Variants in FAM228B observed in about 807,000 individuals in gnomAD.
FAM228B encodes the protein protein FAM228B.
In FAM228B, 38 loss-of-function variants were observed where a neutral mutation model predicts 42.6. The ratio of observed to expected loss-of-function variants is 0.89; its 90% CI spans 0.69 to 1.17. The LOEUF is 1.17. FAM228B is among the 50% of genes most tolerant of loss of function. The probability of loss-of-function intolerance (pLI) is 0.00; values close to 1 mark genes in which losing one functional copy is unlikely to be tolerated. For missense variants in FAM228B, 344 were observed against 367.3 expected (o/e 0.94, Z 0.52); for synonymous variants, 109 against 122.3 (o/e 0.89, Z 0.72).
chr2:24,077,814 C>G lies in FAM228B; in HGVS notation c.-290+845C>G, dbSNP rs1664825572. On this transcript the variant is annotated intron_variant, in intron 1 of 10. Coordinates refer to the FAM228B transcript ENST00000613899. The surrounding 1 kb of genome is among the most constrained non-coding windows in gnomAD (Gnocchi z 5.5). ...CCTGGGGAGAGAGCCTCACCCTGCCCTCCTCATCCTCCTCAGCCTTCTTGC... is the reference window on the plus strand; with the variant it reads ...CCTGGGGAGAGAGCCTCACCCTGCCGTCCTCATCCTCCTCAGCCTTCTTGC... The G allele has an allele frequency of 6.4e-7, 1 of 1,554,324 alleles. No individual in the cohort carries two copies.
chr2:24,145,745 G>C (rs186107484), intron 5 of FAM228B, among the ~76,000 whole-genome samples: 1 of 136,500 alleles, frequency 7.3e-6, no homozygotes, highest in Non-Finnish European at 1.5e-5. Context: ...TTGCTCTGTC[G>C]CCCAAGTGGA....
intron 7 of FAM228B, among the ~76,000 whole-genome samples, chr2:24,149,577 C>T (rs192751701): frequency 4.0e-4 from 61 of 152,256 alleles, no homozygotes; most frequent in African/African-American, 1.3e-3. Context: ...TGACTACAGG[C>T]ACATGCCACC....
chr2:24,156,886 T>G (rs901177307), intron 7 of FAM228B, among the ~76,000 whole-genome samples: 4 of 151,588 alleles, frequency 2.6e-5, no homozygotes, highest in Admixed American at 2.6e-4. Flanking sequence ...TCTGCCGGGT[T>G]TGGGTTTGGA....
In FAM228B at chr2:24,093,620, A is replaced by ATTTT. The variant is rs34596881; in HGVS notation, c.-209-1511_-209-1508dup. ...AGTGCTGCAATAAACATATGTGTGC[A>ATTTT]TTTTTTTTTTTTTGAGACAGAATCT... is the stretch of plus-strand genomic sequence containing the variant. On this transcript the variant is annotated intron_variant, in intron 2 of 10. Transcript: ENST00000613899. 2.1e-3 allele frequency among the ~76,000 whole-genome samples: 312 copies of ATTTT among 145,766 alleles called. 1 individual carries two copies. The highest frequency in any genetic ancestry group is 7.2e-3 in the Middle Eastern group (2 of 278).
intron 5 of FAM228B, among the ~76,000 whole-genome samples, chr2:24,140,830 C>T (rs2151020463): frequency 6.6e-6 from 1 of 151,750 alleles, no homozygotes; most frequent in Non-Finnish European, 1.5e-5. Flanking sequence ...GGTGTGGTGG[C>T]ATGCACCTGT....
At chr2:24,121,169 G>A, upstream of FAM228B, 1 of 1,613,446 alleles carries the variant, frequency 6.2e-7, no homozygotes, top group Non-Finnish European at 8.5e-7. Flanking sequence ...TCACATTTTT[G>A]GCATAAAGAG....
In FAM228B at chr2:24,146,916, T is replaced by TA; in HGVS notation, c.530-13dup. On this transcript the variant is annotated splice_polypyrimidine_tract_variant and intron_variant, in intron 6 of 10. Coordinates refer to ENST00000615575, the MANE Select transcript of FAM228B (RefSeq NM_001145710.2). The stretch of plus-strand genomic sequence containing the variant: ...ATTTAAGGATGTTAATTTAGATTTT[T>TA]ATTCTTCCTTCAGGCAAAATATATT... 1 of 1,549,734 alleles carries TA rather than the reference T, an allele frequency of 6.5e-7. No homozygotes were observed. Among genetic ancestry groups the TA allele is most frequent in the Non-Finnish European group, 8.7e-7 (1 of 1,145,488 alleles).
intron 3 of FAM228B, among the ~76,000 whole-genome samples, chr2:24,112,158 G>T (rs1409763567): frequency 6.6e-6 from 1 of 152,056 alleles, no homozygotes; most frequent in African/African-American, 2.4e-5. Context: ...GACATTCAAG[G>T]TCTCATAGCA....
At position 24,128,954 on chromosome 2, in the gene FAM228B, G is replaced by T. The variant is rs1666381417; in HGVS notation, c.99+4494G>T. Among the ~76,000 whole-genome samples, 5 of 151,952 alleles carry T rather than the reference G, an allele frequency of 3.3e-5. No individual in the cohort carries two copies. In the South Asian group the frequency reaches 1.0e-3, roughly 31 times the overall value. ...TTTTTTCCTCTGGCTGATGCTAAAGGGAACAAACACTCCTGGGACTGTGTG... is the reference window on the plus strand; with the variant it reads ...TTTTTTCCTCTGGCTGATGCTAAAGTGAACAAACACTCCTGGGACTGTGTG... On this transcript the variant is annotated intron_variant, in intron 2 of 10. Coordinates refer to ENST00000615575, the MANE Select transcript of FAM228B (RefSeq NM_001145710.2).
At position 24,169,520 on chromosome 2, in the gene FAM228B, T is replaced by A. The variant is rs1667519802; in HGVS notation, c.*179T>A. Reference sequence around the variant, plus strand: ...TAAAAAAAAAGCATCTGCAACGAACTTCCTTTAATTTTTGAGTTCAGTGTC... The same window carrying A: ...TAAAAAAAAAGCATCTGCAACGAACATCCTTTAATTTTTGAGTTCAGTGTC... On this transcript the variant is annotated 3_prime_UTR_variant, in exon 11 of 11. Coordinates refer to ENST00000615575, the MANE Select transcript of FAM228B (RefSeq NM_001145710.2). This position sits in a 1 kb window ranked among gnomAD's most constrained non-coding sequence, Gnocchi z 4.2. The A allele has an allele frequency of 3.4e-6, 1 of 296,880 alleles. No individual in the cohort carries two copies. The highest frequency in any genetic ancestry group is 7.8e-6 in the Non-Finnish European group (1 of 128,128). 18.4% of individuals were successfully genotyped at this position (296,880 alleles called of 1,614,324 possible).
chr2:24,110,445 C>T (rs898131528), intron 3 of FAM228B, among the ~76,000 whole-genome samples: 2 of 152,112 alleles, frequency 1.3e-5, no homozygotes. Flanking sequence ...CTCCTGACTT[C>T]TGGGGAGGAA....
intron 3 of FAM228B, among the ~76,000 whole-genome samples, chr2:24,104,133 G>A (rs1341603422): frequency 1.3e-5 from 2 of 152,210 alleles, no homozygotes; most frequent in African/African-American, 2.4e-5. Context: ...GGCACCAGCT[G>A]TTTGGGCTCA....
chr2:24,091,872 G>A, intron 2 of FAM228B, among the ~76,000 whole-genome samples: 1 of 152,098 alleles, frequency 6.6e-6, no homozygotes, highest in Admixed American at 6.6e-5. Context: ...TTTTTTGATT[G>A]GATAAAGTGG....
rs1018045654 is a variant in FAM228B, at chr2:24,080,463, C to A, written c.-289-413C>A. Among the ~76,000 whole-genome samples, 14 of 152,300 alleles carry A rather than the reference C, an allele frequency of 9.2e-5. No individual in the cohort carries two copies. The highest frequency in any genetic ancestry group is 2.9e-4 in the African/African-American group (12 of 41,572). ...ACTTACTCATTTAGGGTGCTACCAC[C>A]CAACCCTACCATGGCTGGCTCCAAA... On this transcript the variant is annotated intron_variant, in intron 1 of 10. Coordinates refer to the FAM228B transcript ENST00000613899. This position sits in a 1 kb window ranked among gnomAD's most constrained non-coding sequence, Gnocchi z 4.7.
At chr2:24,143,082 T>C (rs1553332164) in intron 5 of FAM228B, among the ~76,000 whole-genome samples, 1 of 152,206 alleles carries the variant, frequency 6.6e-6, no homozygotes, top group Non-Finnish European at 1.5e-5. Flanking sequence ...AAACTACCTC[T>C]TACTGAGTTT....
upstream of FAM228B, among the ~76,000 whole-genome samples, chr2:24,120,560 A>T (rs897558658): frequency 2.7e-4 from 32 of 118,664 alleles, no homozygotes; most frequent in South Asian, 6.1e-4. Flanking sequence ...ATTTTTTTTA[A>T]AATTTTTTTT....
intron 2 of FAM228B, among the ~76,000 whole-genome samples, chr2:24,086,293 C>T (rs2150989430): frequency 6.7e-6 from 1 of 149,826 alleles, no homozygotes; most frequent in South Asian, 2.1e-4. Context: ...GAAGAAGATT[C>T]AATAGTTAAC....
chr2:24,149,311 A>G (rs551370825), intron 7 of FAM228B, among the ~76,000 whole-genome samples: 9 of 152,180 alleles, frequency 5.9e-5, no homozygotes, highest in African/African-American at 2.2e-4. Flanking sequence ...ACTGTTCTCC[A>G]TAGTAGTTGT....
Position 24,080,793 on chromosome 2 carries a change from G to C in FAM228B, c.-289-83G>C. ...TTATTTAATCATCTCTTAAATTCCT[G>C]CTGAACTGTAGAAGCAGTTGTTTAC... is the stretch of plus-strand genomic sequence containing the variant. On this transcript the variant is annotated intron_variant, in intron 1 of 10. Transcript: ENST00000613899. The surrounding 1 kb of genome is among the most constrained non-coding windows in gnomAD (Gnocchi z 4.7). The C allele has an allele frequency of 1.9e-6, 3 of 1,612,914 alleles. No homozygotes were observed. The highest frequency in any genetic ancestry group is 2.5e-6 in the Non-Finnish European group (3 of 1,179,070).
Sources: gnomAD v4.1 joint callset for allele counts (sites outside exome capture counted in the v4.1 genomes callset) on GRCh38, gnomAD v4.1.1 for gene constraint, Gnocchi (gnomAD v3.1) non-coding constraint, MANE v1.5 for transcripts, NCBI Gene and HGNC (gene_info 2026-07-23, HGNC 2026-07-21) for gene names.